The following ZFPM2 variants were observed in gnomAD, a reference collection of about 807,000 sequenced individuals.
ZFPM2 encodes zinc finger protein, FOG family member 2, also known as zinc finger protein ZFPM2.
A neutral mutation model predicts 98.6 loss-of-function variants in ZFPM2; 20 were observed. The ratio of observed to expected loss-of-function variants is 0.20; its 90% CI spans 0.14 to 0.29. The LOEUF (loss-of-function observed/expected upper bound fraction) is 0.29. ZFPM2 is among the 10% of genes least tolerant of loss of function. The pLI is 1.00. For synonymous variants in ZFPM2, 518 were observed against 502.7 expected, an observed-to-expected ratio of 1.03 and a Z score of -0.41; for missense variants, 1,310 against 1,388.6, an observed-to-expected ratio of 0.94 and a Z score of 0.90.
chr8:105,503,771 A>G (rs2130480801), intron 3 of ZFPM2, among the ~76,000 whole-genome samples: 1 of 152,346 alleles, frequency 6.6e-6, no homozygotes, highest in East Asian at 1.9e-4. Flanking sequence ...TATTTAAGCT[A>G]TTTGACTAGA....
chr8:105,645,076 G>A (rs1322116978), intron 5 of ZFPM2, among the ~76,000 whole-genome samples: 1 of 151,528 alleles, frequency 6.6e-6, no homozygotes, highest in Non-Finnish European at 1.5e-5. Context: ...TTTTTTTTCT[G>A]TTTTTTAAAC....
intron 1 of ZFPM2, among the ~76,000 whole-genome samples, chr8:105,366,086 T>A (rs573425563): frequency 6.6e-6 from 1 of 152,346 alleles, no homozygotes; most frequent in Admixed American, 6.5e-5. Context: ...ATTTTTGATA[T>A]CAAAATGATA....
chr8:105,379,522 G>T (rs530092281), intron 1 of ZFPM2, among the ~76,000 whole-genome samples: 1 of 152,268 alleles, frequency 6.6e-6, no homozygotes, highest in South Asian at 2.1e-4. Flanking sequence ...GGGAGGCCAG[G>T]GTGGGCGGAT....
At chr8:105,345,597 T>G (rs1199898236) in intron 1 of ZFPM2, among the ~76,000 whole-genome samples, 1 of 152,034 alleles carries the variant, frequency 6.6e-6, no homozygotes. Context: ...AGCTAGCAGG[T>G]GATCTTTTCA....
intron 3 of ZFPM2, among the ~76,000 whole-genome samples, chr8:105,548,615 A>G (rs923638321): frequency 4.3e-4 from 66 of 152,130 alleles, no homozygotes; most frequent in African/African-American, 1.6e-3. Flanking sequence ...TTGACATTCT[A>G]TTTGTTCATT....
chr8:105,703,100 G>A (rs188165047), intron 5 of ZFPM2, among the ~76,000 whole-genome samples: 1 of 152,188 alleles, frequency 6.6e-6, no homozygotes, highest in East Asian at 1.9e-4. Context: ...TGTAGAGAAG[G>A]TTCTAGACCA....
At chr8:105,787,430 T>C (rs1335752671) in intron 5 of ZFPM2, 1 of 152,228 alleles carries the variant, frequency 6.6e-6, no homozygotes, top group Admixed American at 6.5e-5. Context: ...CTCTCACAGA[T>C]GGTGTTTTGT....
chr8:105,703,488 A>G (rs1563528584), intron 5 of ZFPM2, among the ~76,000 whole-genome samples: 1 of 152,134 alleles, frequency 6.6e-6, no homozygotes. Context: ...GAGGTACACA[A>G]AGTAGAAAGT....
At chr8:105,599,650 C>T (rs908590779) in intron 4 of ZFPM2, among the ~76,000 whole-genome samples, 2 of 152,060 alleles carry the variant, frequency 1.3e-5, no homozygotes, top group African/African-American at 4.8e-5. Flanking sequence ...TCATCTATGG[C>T]AACATTTAAT....
chr8:105,580,892 C>G (rs1202967485), intron 4 of ZFPM2, among the ~76,000 whole-genome samples: 2 of 149,954 alleles, frequency 1.3e-5, no homozygotes, highest in South Asian at 4.2e-4. Context: ...CTAATTAATT[C>G]CCTTATATTG....
intron 1 of ZFPM2, among the ~76,000 whole-genome samples, chr8:105,343,012 G>C (rs1186875053): frequency 6.6e-6 from 1 of 152,018 alleles, no homozygotes; most frequent in Admixed American, 6.6e-5. Context: ...AAAACATTGA[G>C]TTATTTTTAT....
At chr8:105,758,774 T>G (rs1019021185) in intron 5 of ZFPM2, among the ~76,000 whole-genome samples, 3 of 152,112 alleles carry the variant, frequency 2.0e-5, no homozygotes, top group Admixed American at 1.3e-4. Flanking sequence ...AGGGCCCTGT[T>G]AACTCTGAAC....
intron 5 of ZFPM2, among the ~76,000 whole-genome samples, chr8:105,665,359 C>A (rs1237241129): frequency 6.6e-6 from 1 of 152,012 alleles, no homozygotes; most frequent in Non-Finnish European, 1.5e-5. Context: ...CTAGTTAATG[C>A]AAAATTTATT....
chr8:105,681,345 GCA>G (rs1383740272), intron 5 of ZFPM2, among the ~76,000 whole-genome samples: 1 of 151,992 alleles, frequency 6.6e-6, no homozygotes, highest in Non-Finnish European at 1.5e-5. Flanking sequence ...CTTTCAGAAT[GCA>G]CAGAGTGTAA....
At chr8:105,575,087 T>C (rs540946989) in intron 4 of ZFPM2, among the ~76,000 whole-genome samples, 1 of 152,266 alleles carries the variant, frequency 6.6e-6, no homozygotes, top group East Asian at 1.9e-4. Context: ...ATGACAACTC[T>C]TCAAAGGAGG....
At chr8:105,456,600 T>C (rs1416086124) in intron 3 of ZFPM2, among the ~76,000 whole-genome samples, 1 of 152,172 alleles carries the variant, frequency 6.6e-6, no homozygotes, top group Non-Finnish European at 1.5e-5. Flanking sequence ...ATTAAACTAC[T>C]CTGAATCTAC....
intron 5 of ZFPM2, among the ~76,000 whole-genome samples, chr8:105,687,837 G>C (rs2130931843): frequency 6.6e-6 from 1 of 151,708 alleles, no homozygotes; most frequent in East Asian, 1.9e-4. Context: ...TCAAGAATTA[G>C]GAACATAAAA....
intron 1 of ZFPM2, among the ~76,000 whole-genome samples, chr8:105,377,446 A>C (rs1311843352): frequency 6.6e-6 from 1 of 152,004 alleles, no homozygotes; most frequent in Non-Finnish European, 1.5e-5. Flanking sequence ...GTAGTACTCT[A>C]GAAACATTTG....
intron 1 of ZFPM2, among the ~76,000 whole-genome samples, chr8:105,363,067 A>G (rs1287744846): frequency 6.6e-6 from 1 of 152,164 alleles, no homozygotes; most frequent in Non-Finnish European, 1.5e-5. Flanking sequence ...ATCAAGAATG[A>G]ACGTGTATCC....
Sources: allele counts gnomAD v4.1 joint callset (sites outside exome capture counted in the v4.1 genomes callset), GRCh38; gene constraint gnomAD v4.1.1; transcripts MANE v1.5; gene names NCBI Gene and HGNC (gene_info 2026-07-23, HGNC 2026-07-21).